ATRIP: variants seen among roughly 807,000 people sequenced by gnomAD.
ATRIP encodes ATR-interacting protein.
ATRIP carries 44 observed loss-of-function variants against 78.1 expected under a neutral mutation model. That is an observed-to-expected ratio of 0.56 (90% CI 0.44 to 0.72). The LOEUF is 0.72. ATRIP is among the 30% of genes least tolerant of loss of function. The pLI is 0.00. For missense variants in ATRIP, 927 were observed against 980.2 expected, an observed-to-expected ratio of 0.95 and a Z score of 0.72; for synonymous variants, 388 against 408.9, an observed-to-expected ratio of 0.95 and a Z score of 0.62.
Position 48,460,149 on chromosome 3 carries a change from T to C in ATRIP, c.1095T>C (p.Ser365=), listed in dbSNP as rs1189466460. Residue 365 remains serine, a synonymous_variant, in exon 8 of 13, where the codon TCT becomes TCC. Coordinates refer to ENST00000320211, the MANE Select transcript of ATRIP (RefSeq NM_130384.3). ...AGMSGLRTTG[S]YDGSFSLSAL... is the part of the protein sequence containing the mutation. ...TGTCAGGCCTCAGGACCACAGGTTCTTATGATGGGTCATTTTCCCTCTCAG... is the reference window on the plus strand; with the variant it reads ...TGTCAGGCCTCAGGACCACAGGTTCCTATGATGGGTCATTTTCCCTCTCAG... The C allele has an allele frequency of 3.1e-6, 5 of 1,613,658 alleles. No homozygotes were observed. The highest frequency in any genetic ancestry group is 1.7e-5 in the Admixed American group (1 of 59,958).
chr3:48,454,027 T>G (rs2039895681), intron 3 of ATRIP, among the ~76,000 whole-genome samples: 1 of 152,108 alleles, frequency 6.6e-6, no homozygotes, highest in South Asian at 2.1e-4. Context: ...CCCAAAGTGC[T>G]TAGGATTACA....
Position 48,464,035 on chromosome 3 carries a change from T to A in ATRIP, c.1883-6T>A. On this transcript the variant is annotated splice_polypyrimidine_tract_variant and splice_region_variant and intron_variant, in intron 9 of 12. Coordinates refer to ENST00000320211, the MANE Select transcript of ATRIP (RefSeq NM_130384.3). ...CCCTGAGTGAGAGGTGCGCTGTCCT[T>A]TTCAGAAGGCTGCCTCCTGCTGCTG... 3.7e-6 allele frequency: 6 copies of A among 1,613,298 alleles called. No individual in the cohort carries two copies. In the South Asian group the frequency reaches 6.6e-5, roughly 18 times the overall value.
chr3:48,450,161 T>TA lies in ATRIP; in HGVS notation c.375dup (p.Glu126ArgfsTer13). ...TACTTCAGGCACAATACAAAGAACT[T>TA]AAAGAAAAGGTAAGTGACTTAACTT... On this transcript the variant is annotated frameshift_variant, in exon 2 of 13. Transcript: ENST00000320211. LOFTEE classifies it high-confidence loss of function. 6.2e-7 allele frequency: 1 copy of TA among 1,608,074 alleles called. No individual in the cohort carries two copies. The highest frequency in any genetic ancestry group is 1.1e-5 in the South Asian group (1 of 89,084).
chr3:48,449,373 C>T (rs1401855448), intron 1 of ATRIP, among the ~76,000 whole-genome samples: 1 of 140,794 alleles, frequency 7.1e-6, no homozygotes, highest in Non-Finnish European at 1.5e-5. Context: ...GAGATCACGC[C>T]ACTGCTCTCC....
chr3:48,447,242 C>T (rs1443497657), intron 1 of ATRIP, 150 bp downstream of exon 1: 1 of 1,266,454 alleles, frequency 7.9e-7, no homozygotes, highest in Non-Finnish European at 9.9e-7. Flanking sequence ...CGGTTGTCTT[C>T]CAGAAGGTCC....
At position 48,459,474 on chromosome 3, in the gene ATRIP, T is replaced by TCCTGCAGGGG. The variant is rs2040040245; in HGVS notation, c.925+27_925+36dup. The TCCTGCAGGGG allele has an allele frequency of 1.3e-6, 2 of 1,594,950 alleles. No individual in the cohort carries two copies. The highest frequency in any genetic ancestry group is 2.2e-5 in the South Asian group (2 of 90,664). On this transcript the variant is annotated intron_variant, in intron 6 of 12. Coordinates refer to ENST00000320211, the MANE Select transcript of ATRIP (RefSeq NM_130384.3). ...CTCAAGGTACCAGAATCCCTGCTTC[T>TCCTGCAGGGG]CCTGCAGGGGCCTGCATGGCTCTGA...
chr3:48,456,546 C>T (rs1366164371), intron 4 of ATRIP, among the ~76,000 whole-genome samples: 3 of 147,610 alleles, frequency 2.0e-5, no homozygotes, highest in African/African-American at 2.5e-5. Flanking sequence ...TGCAGTGAGC[C>T]GTAATTGTGC....
At position 48,464,027 on chromosome 3, in the gene ATRIP, G is replaced by A. The variant is rs758004310; in HGVS notation, c.1883-14G>A. 3.7e-6 allele frequency: 6 copies of A among 1,611,754 alleles called. No homozygotes were observed. The highest frequency in any genetic ancestry group is 2.2e-5 in the East Asian group (1 of 44,878). On this transcript the variant is annotated splice_polypyrimidine_tract_variant and intron_variant, in intron 9 of 12. Transcript: ENST00000320211. ...AAAGGGCACCCTGAGTGAGAGGTGC[G>A]CTGTCCTTTTCAGAAGGCTGCCTCC...
At chr3:48,465,198 C>A in intron 12 of ATRIP, 115 bp downstream of exon 12, 1 of 1,362,048 alleles carries the variant, frequency 7.3e-7, no homozygotes, top group South Asian at 1.4e-5. Flanking sequence ...CAGCCTGTTC[C>A]AGCACTGGGG....
rs77371662 is a variant in ATRIP at position 48,467,020 on chromosome 3, T to TGGC, written c.*1467_*1469dup. 1.2e-6 allele frequency: 2 copies of TGGC among 1,613,932 alleles called. No individual in the cohort carries two copies. The highest frequency in any genetic ancestry group is 1.7e-6 in the Non-Finnish European group (2 of 1,180,036). Reference sequence around the variant, plus strand: ...CGCCAGCCACAGCCCTGGTGCCTGGTGGCACACAATGGTGACCGCTACGAC... The same window carrying TGGC: ...CGCCAGCCACAGCCCTGGTGCCTGGTGGCGGCACACAATGGTGACCGCTACGAC... On this transcript the variant is annotated 3_prime_UTR_variant, in exon 13 of 13. Transcript: ENST00000320211.
Position 48,447,022 on chromosome 3 carries a change from CCTGG to C in ATRIP, c.178_181del (p.Leu60ArgfsTer11). 1 of 1,573,524 alleles carries C rather than the reference CCTGG, an allele frequency of 6.4e-7. No homozygotes were observed. Among genetic ancestry groups the C allele is most frequent in the African/African-American group, 1.4e-5 (1 of 71,486 alleles). Reference sequence around the variant, plus strand: ...CGCATGGGGACTTCACTGCCGACGACCTGGAGGAGCTTGACACCCTCGCGTCACA... The same window carrying C: ...CGCATGGGGACTTCACTGCCGACGACAGGAGCTTGACACCCTCGCGTCACA... On this transcript the variant is annotated frameshift_variant, in exon 1 of 13. Coordinates refer to ENST00000320211, the MANE Select transcript of ATRIP (RefSeq NM_130384.3). LOFTEE classifies it high-confidence loss of function.
intron 9 of ATRIP, 38 bp from the exon 10 acceptor site, chr3:48,464,003 A>T: frequency 6.2e-7 from 1 of 1,606,986 alleles, no homozygotes; most frequent in East Asian, 2.2e-5. Flanking sequence ...CTTTATGAGA[A>T]AGGGCACCCT....
intron 3 of ATRIP, among the ~76,000 whole-genome samples, chr3:48,453,419 A>T (rs1246443717): frequency 1.3e-5 from 2 of 152,346 alleles, no homozygotes; most frequent in South Asian, 4.1e-4. Context: ...GCGGTCAGAC[A>T]AACCTGAATT....
chr3:48,455,904 T>G (rs2039944187), intron 4 of ATRIP, among the ~76,000 whole-genome samples: 1 of 151,898 alleles, frequency 6.6e-6, no homozygotes, highest in African/African-American at 2.4e-5. Context: ...GCAGATCACT[T>G]GAGGTCAGTA....
intron 6 of ATRIP, 131 bp from the exon 7 acceptor site, chr3:48,459,655 AG>A: frequency 7.7e-7 from 1 of 1,291,442 alleles, no homozygotes; most frequent in Non-Finnish European, 1.1e-6. Flanking sequence ...CCGCACCCAC[AG>A]GCATCTTCCT....
intron 3 of ATRIP, among the ~76,000 whole-genome samples, chr3:48,453,436 C>T (rs1343036252): frequency 1.3e-5 from 2 of 152,190 alleles, no homozygotes; most frequent in African/African-American, 4.8e-5. Flanking sequence ...AATTTGAATC[C>T]AGGCTTCATC....
chr3:48,461,328 C>G (rs2040104413), intron 8 of ATRIP: 1 of 152,430 alleles, frequency 6.6e-6, no homozygotes, highest in South Asian at 2.1e-4. Flanking sequence ...CGAATGAACA[C>G]TGTGATCATA....
chr3:48,449,837 C>T (rs1206040529), intron 1 of ATRIP, among the ~76,000 whole-genome samples, 200 bp from the exon 2 acceptor site: 3 of 148,032 alleles, frequency 2.0e-5, no homozygotes, highest in Non-Finnish European at 4.4e-5. Flanking sequence ...ACACAGGAGG[C>T]TAAGGCAGGA....
Position 48,460,129 on chromosome 3 carries a change from G to C in ATRIP, c.1075G>C (p.Gly359Arg). 6.2e-7 allele frequency: 1 copy of C among 1,611,818 alleles called. No individual in the cohort carries two copies. Among genetic ancestry groups the C allele is most frequent in the Non-Finnish European group, 8.5e-7 (1 of 1,179,056 alleles). ...GFGSTLAGMSGLRTTGSYDGS... is the reference protein window; with the variant it reads ...GFGSTLAGMSRLRTTGSYDGS... ...TGCCAGTACCTTGGCTGGAATGTCA[G>C]GCCTCAGGACCACAGGTTCTTATGA... is the stretch of plus-strand genomic sequence containing the variant. The change falls in exon 8 of 13, where the codon GGC (glycine) becomes CGC (arginine). Residue 359 changes from glycine to arginine, a missense_variant. Gly to Arg is a moderately radical substitution (Grantham distance 125). Transcript: ENST00000320211.
Sources: allele counts gnomAD v4.1 joint callset (sites outside exome capture counted in the v4.1 genomes callset), GRCh38; gene constraint gnomAD v4.1.1; transcripts MANE v1.5; gene names NCBI Gene and HGNC (gene_info 2026-07-23, HGNC 2026-07-21).